CWC27: variants seen among roughly 807,000 people sequenced by gnomAD.
CWC27 encodes the protein spliceosome-associated protein CWC27 homolog.
CWC27 carries 47 observed loss-of-function variants against 63.6 expected under a neutral mutation model. That is an observed-to-expected ratio of 0.74 (90% CI 0.58 to 0.94). CWC27 has a LOEUF of 0.94. Ranked by LOEUF, CWC27 falls within the 40% of genes least tolerant of loss-of-function variation. The pLI is 0.00. For synonymous variants in CWC27, 175 were observed against 179.8 expected, an observed-to-expected ratio of 0.97 and a Z score of 0.22; for missense variants, 495 against 554.3, an observed-to-expected ratio of 0.89 and a Z score of 1.07.
chr5:64,918,713 T>C (rs997034442), intron 11 of CWC27, among the ~76,000 whole-genome samples: 7 of 152,200 alleles, frequency 4.6e-5, no homozygotes, highest in Non-Finnish European at 5.9e-5. Context: ...ACAAATGTAA[T>C]GCAATCTTAG....
At chr5:65,006,954 AAAAGACAG>A (rs1229077462) in intron 13 of CWC27, among the ~76,000 whole-genome samples, 3 of 134,674 alleles carry the variant, frequency 2.2e-5, no homozygotes, top group African/African-American at 8.4e-5. Context: ...CGTTTATTTA[AAAAGACAG>A]AAAGAAAGAA....
intron 11 of CWC27, among the ~76,000 whole-genome samples, chr5:64,901,319 G>A (rs1393493607): frequency 6.6e-6 from 1 of 151,982 alleles, no homozygotes; most frequent in African/African-American, 2.4e-5. Context: ...AAATTAGCCG[G>A]GTGTGGTGGC....
chr5:64,812,134 T>C (rs892316083), intron 10 of CWC27, among the ~76,000 whole-genome samples: 3 of 152,038 alleles, frequency 2.0e-5, no homozygotes, highest in Non-Finnish European at 2.9e-5. Flanking sequence ...TAAATAAACA[T>C]TGTTTGCTTT....
intron 10 of CWC27, among the ~76,000 whole-genome samples, chr5:64,821,591 CAT>C (rs756751862): frequency 2.0e-5 from 3 of 152,164 alleles, no homozygotes; most frequent in Non-Finnish European, 2.9e-5. Flanking sequence ...CTGCAGGGAA[CAT>C]AGAGCTTACA....
intron 13 of CWC27, among the ~76,000 whole-genome samples, chr5:64,999,854 G>A (rs1749700715): frequency 6.6e-6 from 1 of 152,074 alleles, no homozygotes; most frequent in Non-Finnish European, 1.5e-5. Flanking sequence ...TAGATACTCA[G>A]TAGTGGAAAT....
chr5:64,900,830 A>C (rs1747485890), intron 11 of CWC27, among the ~76,000 whole-genome samples: 1 of 152,196 alleles, frequency 6.6e-6, no homozygotes, highest in Non-Finnish European at 1.5e-5. Context: ...TCTTACACAA[A>C]GCTTACTCAA....
rs113243593 is a variant in CWC27, at chr5:64,806,898, C to G, written c.938+2512C>G. ...CTTTTGGTTATTTATACCAGCGAGTCTCTGAAGTTAACTTTATGGTTAAAA... is the reference window on the plus strand; with the variant it reads ...CTTTTGGTTATTTATACCAGCGAGTGTCTGAAGTTAACTTTATGGTTAAAA... On this transcript the variant is annotated intron_variant, in intron 10 of 13. Coordinates refer to ENST00000381070, the MANE Select transcript of CWC27 (RefSeq NM_005869.4). Among the ~76,000 whole-genome samples the G allele has an allele frequency of 9.4e-3, 1,428 of 152,228 alleles. 20 individuals carry two copies. The highest frequency in any genetic ancestry group is 0.032 in the African/African-American group (1,343 of 41,520).
chr5:64,880,403 C>T (rs1169798106), intron 10 of CWC27, among the ~76,000 whole-genome samples: 1 of 151,760 alleles, frequency 6.6e-6, no homozygotes, highest in African/African-American at 2.4e-5. Flanking sequence ...TCTTCATAAA[C>T]GTCAGCCTTT....
intron 13 of CWC27, among the ~76,000 whole-genome samples, chr5:65,002,144 G>A (rs1303167309): frequency 6.6e-6 from 1 of 151,970 alleles, no homozygotes; most frequent in African/African-American, 2.4e-5. Flanking sequence ...TATTTCTGCT[G>A]TATTAATTAT....
chr5:64,925,177 A>G (rs1023057008), intron 11 of CWC27, among the ~76,000 whole-genome samples: 2 of 152,208 alleles, frequency 1.3e-5, no homozygotes, highest in African/African-American at 4.8e-5. Flanking sequence ...TACAGTTTCA[A>G]ATGGCTAATC....
chr5:64,807,190 C>A (rs940427033), intron 10 of CWC27, among the ~76,000 whole-genome samples: 1 of 152,150 alleles, frequency 6.6e-6, no homozygotes, highest in African/African-American at 2.4e-5. Flanking sequence ...GACTAGCCCA[C>A]CAGCCCTTTA....
chr5:64,820,752 T>G (rs889322441), intron 10 of CWC27, among the ~76,000 whole-genome samples: 1 of 152,124 alleles, frequency 6.6e-6, no homozygotes, highest in Admixed American at 6.6e-5. Context: ...TCTTGATACA[T>G]ACCTTATATT....
intron 11 of CWC27, among the ~76,000 whole-genome samples, chr5:64,889,226 A>G (rs1426244049): frequency 6.6e-6 from 1 of 152,142 alleles, no homozygotes; most frequent in Non-Finnish European, 1.5e-5. Flanking sequence ...AAAAAAGGAT[A>G]TTAGTGTGGA....
At chr5:64,868,960 T>C (rs1746601005) in intron 10 of CWC27, among the ~76,000 whole-genome samples, 1 of 152,000 alleles carries the variant, frequency 6.6e-6, no homozygotes, top group South Asian at 2.1e-4. Context: ...TAACATCCCT[T>C]TAGAATTTGA....
At chr5:64,806,102 A>G (rs907845045) in intron 10 of CWC27, among the ~76,000 whole-genome samples, 6 of 152,146 alleles carry the variant, frequency 3.9e-5, no homozygotes, top group African/African-American at 1.4e-4. Context: ...CTTAACAGAC[A>G]TTTAAAGCTT....
chr5:64,806,880 T>C (rs1268568037), intron 10 of CWC27, among the ~76,000 whole-genome samples: 1 of 152,122 alleles, frequency 6.6e-6, no homozygotes, highest in African/African-American at 2.4e-5. Context: ...GTACTTTTGG[T>C]TATTTATACC....
chr5:64,926,661 A>G (rs1037120097), intron 11 of CWC27, among the ~76,000 whole-genome samples: 1 of 152,138 alleles, frequency 6.6e-6, no homozygotes, highest in Non-Finnish European at 1.5e-5. Flanking sequence ...TTGTTGGTTT[A>G]TGTGTTTTTA....
intron 10 of CWC27, among the ~76,000 whole-genome samples, chr5:64,813,352 A>G (rs1744940930): frequency 6.6e-6 from 1 of 152,206 alleles, no homozygotes; most frequent in Non-Finnish European, 1.5e-5. Context: ...ATTGAGAACC[A>G]GTTAATCCGT....
At chr5:64,917,568 A>G (rs1038916030) in intron 11 of CWC27, among the ~76,000 whole-genome samples, 15 of 152,114 alleles carry the variant, frequency 9.9e-5, no homozygotes, top group African/African-American at 3.6e-4. Context: ...TGGCATTTGA[A>G]TTGGTAGACT....
Sources: gnomAD v4.1 joint callset for allele counts (sites outside exome capture counted in the v4.1 genomes callset) on GRCh38, gnomAD v4.1.1 for gene constraint, MANE v1.5 for transcripts, NCBI Gene and HGNC (gene_info 2026-07-23, HGNC 2026-07-21) for gene names.